TRAPPC8: variants seen among roughly 807,000 people sequenced by gnomAD.
TRAPPC8 encodes the protein trafficking protein particle complex subunit 8, also known as general sporulation gene 1 homolog.
Under a neutral mutation model 174.3 loss-of-function variants are expected in TRAPPC8, and 54 were observed. The observed-to-expected ratio is 0.31, with a 90% CI of 0.25 to 0.39. TRAPPC8 has a LOEUF of 0.39. Among genes scored for constraint, TRAPPC8 ranks in the 10% least tolerant of loss-of-function variants. TRAPPC8 has a pLI of 1.00. For synonymous variants in TRAPPC8, 630 were observed against 579.9 expected (o/e 1.09, Z -1.24); for missense variants, 1,531 against 1,699.1 (o/e 0.90, Z 1.74).
chr18:31,912,958 C>A (rs928951197), intron 5 of TRAPPC8, among the ~76,000 whole-genome samples: 1 of 151,892 alleles, frequency 6.6e-6, no homozygotes, highest in Non-Finnish European at 1.5e-5. Context: ...TGAAACCTCA[C>A]CTCTACTAAA....
intron 24 of TRAPPC8, 130 bp downstream of exon 24, chr18:31,852,316 G>A (rs896314359): frequency 3.3e-5 from 32 of 970,644 alleles, no homozygotes; most frequent in Non-Finnish European, 4.0e-5. Flanking sequence ...ACTCCTGGGA[G>A]ACAGAGCAAG....
intron 2 of TRAPPC8, among the ~76,000 whole-genome samples, chr18:31,919,175 G>A (rs1048306245): frequency 3.0e-4 from 46 of 152,040 alleles, no homozygotes; most frequent in African/African-American, 1.0e-3. Flanking sequence ...CTACTATCAC[G>A]ATTTCATGTT....
Position 31,866,914 on chromosome 18 carries a change from T to C in TRAPPC8, c.2525A>G (p.Asn842Ser), listed in dbSNP as rs763609578. The C allele has an allele frequency of 5.0e-6, 8 of 1,613,698 alleles. No homozygotes were observed. The highest frequency in any genetic ancestry group is 1.3e-5 in the African/African-American group (1 of 75,018). Reference protein sequence around the residue: ...GELHILGVVYNLGTIQGSMTV... With the variant: ...GELHILGVVYSLGTIQGSMTV... ...CATAGAGCCCTGAATAGTGCCAAGA[T>C]TATAAACAACTCCCAGAATATGCAG... The change falls in exon 18 of 29, where the codon AAT becomes AGT. Residue 842 changes from asparagine to serine, a missense_variant. Physicochemically the swap from Asn to Ser is conservative, Grantham distance 46. Transcript: ENST00000283351.
chr18:31,893,961 T>C (rs1328628636), intron 11 of TRAPPC8, among the ~76,000 whole-genome samples: 1 of 152,198 alleles, frequency 6.6e-6, no homozygotes, highest in Non-Finnish European at 1.5e-5. Context: ...GAATATCCCC[T>C]GAGAATATTT....
chr18:31,866,667 T>C (rs2034601169), intron 18 of TRAPPC8, among the ~76,000 whole-genome samples, 182 bp downstream of exon 18: 2 of 152,240 alleles, frequency 1.3e-5, no homozygotes, highest in African/African-American at 4.8e-5. Flanking sequence ...TTGTTTACTT[T>C]TGACGCTAGA....
chr18:31,925,620 T>TA (rs1477856740), intron 2 of TRAPPC8, among the ~76,000 whole-genome samples: 2 of 152,068 alleles, frequency 1.3e-5, no homozygotes, highest in Non-Finnish European at 2.9e-5. Context: ...TTCTCAGGGC[T>TA]AAAAAGTGCA....
intron 5 of TRAPPC8, among the ~76,000 whole-genome samples, chr18:31,910,110 AAG>A (rs1355265871): frequency 3.3e-5 from 5 of 152,198 alleles, no homozygotes; most frequent in African/African-American, 1.2e-4. Context: ...GAATAATGGC[AAG>A]AGAGATGGAC....
At chr18:31,882,514 AC>A (rs1331578964) in intron 12 of TRAPPC8, among the ~76,000 whole-genome samples, 1 of 152,174 alleles carries the variant, frequency 6.6e-6, no homozygotes, top group Non-Finnish European at 1.5e-5. Context: ...TAATATATTC[AC>A]TATTTGGGTG....
At chr18:31,839,214 C>A in intron 27 of TRAPPC8, 98 bp downstream of exon 27, 1 of 1,206,988 alleles carries the variant, frequency 8.3e-7, no homozygotes. Context: ...TAAATTTCCT[C>A]TTCAATATTT....
chr18:31,830,548 C>A lies in TRAPPC8; in HGVS notation c.*207G>T. ...CTGTATTATGAGCATGTAAATTATT[C>A]TCAGGGTTTAAAGAAATACAGAAAA... is the stretch of plus-strand genomic sequence containing the variant. On this transcript the variant is annotated 3_prime_UTR_variant, in exon 29 of 29. Transcript: ENST00000283351. 1 of 559,134 alleles carries A rather than the reference C, an allele frequency of 1.8e-6. No homozygotes were observed. The highest frequency in any genetic ancestry group is 3.2e-6 in the Non-Finnish European group (1 of 316,086). 34.6% of individuals were successfully genotyped at this position (559,134 alleles called of 1,614,324 possible). A position where few individuals can be genotyped will look rare whatever the true frequency, so the allele number is the denominator to read the frequency against.
chr18:31,871,094 T>C lies in TRAPPC8; in HGVS notation c.2089A>G (p.Ser697Gly). The C allele has an allele frequency of 1.9e-6, 3 of 1,575,118 alleles. No homozygotes were observed. Among genetic ancestry groups the C allele is most frequent in the Non-Finnish European group, 2.6e-6 (3 of 1,157,116 alleles). ...DGEKQAATHV[S>G]LDQEYDSESS... is the part of the protein sequence containing the mutation. ...TCAGAATCATATTCTTGATCAAGAC[T>C]TACATGAGTAGCTGCTTGTTTTTCA... is the stretch of plus-strand genomic sequence containing the variant. Residue 697 changes from serine (S) to glycine (G), a missense_variant, in exon 15 of 29, where the codon AGT becomes GGT. Physicochemically the swap from Ser to Gly is moderately conservative, Grantham distance 56. Transcript: ENST00000283351.
Position 31,866,843 on chromosome 18 carries a change from C to T in TRAPPC8, c.2590+6G>A. 6.2e-7 allele frequency: 1 copy of T among 1,612,294 alleles called. No homozygotes were observed. The highest frequency in any genetic ancestry group is 8.5e-7 in the Non-Finnish European group (1 of 1,179,040). ...TCTAATTGTTTACCAATGCTATAGC[C>T]TTTACCTGTGTGACATCCGGGAAGA... is the stretch of plus-strand genomic sequence containing the variant. On this transcript the variant is annotated splice_donor_region_variant and intron_variant, in intron 18 of 28. Transcript: ENST00000283351.
Position 31,916,461 on chromosome 18 carries a change from T to C in TRAPPC8, c.443-15A>G. On this transcript the variant is annotated splice_polypyrimidine_tract_variant and intron_variant, in intron 3 of 28. Transcript: ENST00000283351. ...TACCAACATACCTTGTAAACCATATTATTAAGGTAATTATCGCTTATTACT... is the reference window on the plus strand; with the variant it reads ...TACCAACATACCTTGTAAACCATATCATTAAGGTAATTATCGCTTATTACT... 1 of 1,596,910 alleles carries C rather than the reference T, an allele frequency of 6.3e-7. No individual in the cohort carries two copies. Among genetic ancestry groups the C allele is most frequent in the South Asian group, 1.1e-5 (1 of 87,364 alleles).
At chr18:31,925,108 G>A (rs1232129626) in intron 2 of TRAPPC8, among the ~76,000 whole-genome samples, 4 of 151,962 alleles carry the variant, frequency 2.6e-5, no homozygotes, top group Admixed American at 1.3e-4. Context: ...TCTACTAACT[G>A]ATAAGCTTTC....
At chr18:31,880,252 A>G (rs2035383489) in intron 12 of TRAPPC8, among the ~76,000 whole-genome samples, 1 of 151,480 alleles carries the variant, frequency 6.6e-6, no homozygotes, top group African/African-American at 2.4e-5. Context: ...AAAACCATCA[A>G]TAAAATACTA....
intron 1 of TRAPPC8, among the ~76,000 whole-genome samples, chr18:31,932,112 G>T (rs569231543): frequency 6.6e-6 from 1 of 151,952 alleles, no homozygotes; most frequent in East Asian, 1.9e-4. Context: ...TCTAAAACTG[G>T]TCTTAAAAAT....
chr18:31,896,665 G>A (rs151246495), intron 11 of TRAPPC8, among the ~76,000 whole-genome samples: 301 of 152,164 alleles, frequency 2.0e-3, no homozygotes, highest in African/African-American at 6.6e-3. Context: ...TCGCTCTGTC[G>A]TCCAGGCTGG....
At chr18:31,925,401 A>C (rs1027841792) in intron 2 of TRAPPC8, among the ~76,000 whole-genome samples, 3 of 152,112 alleles carry the variant, frequency 2.0e-5, no homozygotes, top group Admixed American at 6.6e-5. Context: ...CCAAAAAGAC[A>C]CCAAACATTA....
At chr18:31,930,116 G>C (rs1046752660) in intron 2 of TRAPPC8, among the ~76,000 whole-genome samples, 1 of 151,006 alleles carries the variant, frequency 6.6e-6, no homozygotes, top group Non-Finnish European at 1.5e-5. Flanking sequence ...GTATGTTTAG[G>C]AAAAACTTTT....
Sources: allele counts gnomAD v4.1 joint callset (sites outside exome capture counted in the v4.1 genomes callset), GRCh38; gene constraint gnomAD v4.1.1; transcripts MANE v1.5; gene names NCBI Gene and HGNC (gene_info 2026-07-23, HGNC 2026-07-21).